The following CLRN2 variants were observed in gnomAD, a reference collection of about 807,000 sequenced individuals.
CLRN2 encodes the protein clarin-2.
CLRN2 carries 17 observed loss-of-function variants against 20.1 expected under a neutral mutation model. The ratio of observed to expected loss-of-function variants is 0.85; its 90% confidence interval spans 0.58 to 1.27. The LOEUF (loss-of-function observed/expected upper bound fraction) is 1.27, where lower values mean the gene tolerates loss of function less well. Ranked by LOEUF, CLRN2 falls within the 50% of genes most tolerant of loss-of-function variation. The pLI is 0.00. For synonymous variants in CLRN2, 140 were observed against 126.9 expected, an observed-to-expected ratio of 1.10 and a Z score of -0.70; for missense variants, 288 against 299.5, an observed-to-expected ratio of 0.96 and a Z score of 0.28.
intron 1 of CLRN2, among the ~76,000 whole-genome samples, chr4:17,516,005 G>A (rs2109001059): frequency 6.6e-6 from 1 of 152,326 alleles, no homozygotes; most frequent in African/African-American, 2.4e-5. Flanking sequence ...ACCACAACAA[G>A]TGGGTGGAGG....
In CLRN2 at chr4:17,527,049, G is replaced by A. The variant is rs1711996010; in HGVS notation, c.666G>A (p.Glu222=). Residue 222 remains glutamate (E), a synonymous_variant, in exon 3 of 3, where the codon GAG becomes GAA. Coordinates refer to ENST00000511148, the MANE Select transcript of CLRN2 (RefSeq NM_001079827.2). ...PLPEIKTKIE[E]ATVTAEDILY The stretch of plus-strand genomic sequence containing the variant: ...CTGAGATTAAGACCAAAATCGAAGA[G>A]GCCACGGTCACAGCTGAGGATATCT... 6.2e-7 allele frequency: 1 copy of A among 1,613,976 alleles called. No individual in the cohort carries two copies. Among genetic ancestry groups the A allele is most frequent in the Non-Finnish European group, 8.5e-7 (1 of 1,179,896 alleles).
chr4:17,517,393 A>T (rs1711705560), intron 1 of CLRN2, among the ~76,000 whole-genome samples: 1 of 152,156 alleles, frequency 6.6e-6, no homozygotes, highest in Non-Finnish European at 1.5e-5. Flanking sequence ...TTCATATTTT[A>T]GGGGTGTTGG....
intron 2 of CLRN2, among the ~76,000 whole-genome samples, chr4:17,524,771 A>T (rs1214561679): frequency 6.6e-6 from 1 of 151,470 alleles, no homozygotes. Context: ...AAAAAAAAAA[A>T]TTAGCTGTCC....
chr4:17,520,628 T>G (rs2109002299), intron 1 of CLRN2, among the ~76,000 whole-genome samples: 1 of 152,378 alleles, frequency 6.6e-6, no homozygotes, highest in Admixed American at 6.5e-5. Flanking sequence ...TCTTTACCAT[T>G]CACATAGGTG....
intron 1 of CLRN2, among the ~76,000 whole-genome samples, chr4:17,515,850 A>C (rs1019921912): frequency 6.6e-6 from 1 of 152,210 alleles, no homozygotes; most frequent in Non-Finnish European, 1.5e-5. Context: ...GTCTCCTTAA[A>C]GCCTTACAAC....
Position 17,526,915 on chromosome 4 carries a change from T to C in CLRN2, c.532T>C (p.Phe178Leu), listed in dbSNP as rs746714729. Reference sequence around the variant, plus strand: ...CAACTTTCAGGAGAAGCTCTTCCAGTTTGTGGTGGTGGAAGAACAGTATGA... The same window carrying C: ...CAACTTTCAGGAGAAGCTCTTCCAGCTTGTGGTGGTGGAAGAACAGTATGA... ...IANFQEKLFQ[F>L]VVVEEQYEES... Residue 178 changes from phenylalanine (F) to leucine (L), a missense_variant, in exon 3 of 3, where the codon TTT (phenylalanine) becomes CTT (leucine). Physicochemically the swap from Phe to Leu is conservative, Grantham distance 22. Transcript: ENST00000511148. 1.9e-6 allele frequency: 3 copies of C among 1,613,930 alleles called. No homozygotes were observed. The Admixed American group carries it at 5.0e-5, about 27-fold the overall frequency.
At chr4:17,524,831 C>A (rs1161073103) in intron 2 of CLRN2, among the ~76,000 whole-genome samples, 2 of 151,862 alleles carry the variant, frequency 1.3e-5, no homozygotes, top group African/African-American at 4.8e-5. Context: ...ATAATCCCAA[C>A]ACTTAGGGAG....
At chr4:17,519,250 T>C (rs916531366) in intron 1 of CLRN2, among the ~76,000 whole-genome samples, 2 of 152,248 alleles carry the variant, frequency 1.3e-5, no homozygotes, top group African/African-American at 2.4e-5. Flanking sequence ...AGAATGATGC[T>C]GATAGAATGA....
intron 1 of CLRN2, among the ~76,000 whole-genome samples, chr4:17,522,654 C>G (rs1711861621): frequency 6.6e-6 from 1 of 152,178 alleles, no homozygotes; most frequent in African/African-American, 2.4e-5. Flanking sequence ...TGTGTCCACT[C>G]TAAGGAACAG....
rs747841087 is a variant in CLRN2, at chr4:17,526,800, A to G, written c.434-17A>G. On this transcript the variant is annotated splice_polypyrimidine_tract_variant and intron_variant, in intron 2 of 2. Coordinates refer to ENST00000511148, the MANE Select transcript of CLRN2 (RefSeq NM_001079827.2). ...CAAAAAGGAGCCGTGAATGAGGGTG[A>G]CCTTTTTGAGTTTCAGGCGGCGTCG... The G allele has an allele frequency of 6.2e-7, 1 of 1,612,966 alleles. No homozygotes were observed. Among genetic ancestry groups the G allele is most frequent in the African/African-American group, 1.3e-5 (1 of 75,028 alleles).
At chr4:17,526,689 T>C (rs1353556885) in intron 2 of CLRN2, 128 bp from the exon 3 acceptor site, 5 of 1,097,252 alleles carry the variant, frequency 4.6e-6, no homozygotes, top group Non-Finnish European at 6.6e-6. Context: ...TAAAAGCAAA[T>C]TAAAACTTAT....
rs368238691 is a variant in CLRN2, at chr4:17,522,995, C to A, written c.385C>A (p.Arg129=). The change falls in exon 2 of 3, where the codon CGG becomes AGG. Residue 129 remains arginine (R), a synonymous_variant. Coordinates refer to ENST00000511148, the MANE Select transcript of CLRN2 (RefSeq NM_001079827.2). Reference sequence around the variant, plus strand: ...TCTTAACATGATCCAGGTCCCGTACCGGGCAGTCAGCGGTCCTGGGGGCAT... The same window carrying A: ...TCTTAACATGATCCAGGTCCCGTACAGGGCAGTCAGCGGTCCTGGGGGCAT... ...AILNMIQVPY[R]AVSGPGGICL... The A allele has an allele frequency of 3.1e-6, 5 of 1,613,734 alleles. No homozygotes were observed. The East Asian group carries it at 1.1e-4, about 36-fold the overall frequency.
In CLRN2 at chr4:17,515,307, C is replaced by T; in HGVS notation, c.41C>T (p.Ser14Phe). ...WFKKAWYGLA[S>F]LLSFSSFILI... ...AAAAAGGCGTGGTATGGGCTGGCGT[C>T]TTTACTCAGCTTCTCCTCCTTCATC... The change falls in exon 1 of 3, where the codon TCT becomes TTT. Residue 14 changes from serine (S) to phenylalanine (F), a missense_variant. Transcript: ENST00000511148. The T allele has an allele frequency of 6.2e-7, 1 of 1,614,036 alleles. No individual in the cohort carries two copies. Among genetic ancestry groups the T allele is most frequent in the East Asian group, 2.2e-5 (1 of 44,880 alleles).
At chr4:17,525,646 T>C (rs930831853) in intron 2 of CLRN2, among the ~76,000 whole-genome samples, 1 of 152,022 alleles carries the variant, frequency 6.6e-6, no homozygotes, top group Admixed American at 6.6e-5. Context: ...CAAGACCCTG[T>C]CTCAAAAACA....
At chr4:17,517,891 C>G (rs1372880815) in intron 1 of CLRN2, among the ~76,000 whole-genome samples, 1 of 152,094 alleles carries the variant, frequency 6.6e-6, no homozygotes, top group African/African-American at 2.4e-5. Context: ...TGGCTTTACC[C>G]CAGTACAGCT....
At chr4:17,524,213 T>C (rs1711903673) in intron 2 of CLRN2, among the ~76,000 whole-genome samples, 1 of 74,318 alleles carries the variant, frequency 1.3e-5, no homozygotes, top group African/African-American at 6.3e-5. Flanking sequence ...GATGTGTGTG[T>C]GTGTGTGTGT....
At chr4:17,518,124 C>T (rs1320616234) in intron 1 of CLRN2, among the ~76,000 whole-genome samples, 1 of 151,440 alleles carries the variant, frequency 6.6e-6, no homozygotes, top group East Asian at 1.9e-4. Context: ...AGTGAAAATG[C>T]TTTGCAAACT....
chr4:17,520,239 G>A lies in CLRN2; in HGVS notation c.254-2625G>A, dbSNP rs145836752. Reference sequence around the variant, plus strand: ...ACATTCCCCAAATTCCCTCTCCCCCGTCATCCTAATATGATTATTTCTCAA... The same window carrying A: ...ACATTCCCCAAATTCCCTCTCCCCCATCATCCTAATATGATTATTTCTCAA... On this transcript the variant is annotated intron_variant, in intron 1 of 2. Transcript: ENST00000511148. 4.8e-4 allele frequency among the ~76,000 whole-genome samples: 73 copies of A among 151,950 alleles called. 2 individuals are homozygous for A. The East Asian group carries it at 0.012, about 26-fold the overall frequency.
intron 1 of CLRN2, among the ~76,000 whole-genome samples, chr4:17,517,642 C>T (rs1711713707): frequency 6.6e-6 from 1 of 152,192 alleles, no homozygotes; most frequent in Admixed American, 6.5e-5. Context: ...CAATGGGAAA[C>T]ATTCCCCTGG....
Sources: allele counts gnomAD v4.1 joint callset (sites outside exome capture counted in the v4.1 genomes callset), GRCh38; gene constraint gnomAD v4.1.1; transcripts MANE v1.5; gene names NCBI Gene and HGNC (gene_info 2026-07-23, HGNC 2026-07-21).